ZDHHC17: variants seen among roughly 807,000 people sequenced by gnomAD.
ZDHHC17 encodes the protein palmitoyltransferase ZDHHC17.
ZDHHC17 carries 40 observed loss-of-function variants against 90.3 expected under a neutral mutation model. The ratio of observed to expected loss-of-function variants is 0.44; its 90% CI spans 0.34 to 0.58. ZDHHC17 has a LOEUF of 0.58. Among genes scored for constraint, ZDHHC17 ranks in the 20% least tolerant of loss-of-function variants. The pLI is 0.01. For synonymous variants in ZDHHC17, 235 were observed against 252.4 expected (o/e 0.93, Z 0.65); for missense variants, 614 against 780.8 (o/e 0.79, Z 2.55).
chr12:76,836,430 C>T (rs1487831975), intron 10 of ZDHHC17, among the ~76,000 whole-genome samples: 1 of 151,604 alleles, frequency 6.6e-6, no homozygotes, highest in East Asian at 1.9e-4. Context: ...AGCTGCTGTG[C>T]CCCCCTCTCA....
At chr12:76,809,586 A>G in intron 4 of ZDHHC17, 127 bp from the exon 5 acceptor site, 1 of 725,388 alleles carries the variant, frequency 1.4e-6, no homozygotes, top group Non-Finnish European at 2.0e-6. Context: ...ACATGTATCT[A>G]TTTTAAAATA....
At chr12:76,822,341 T>C in intron 7 of ZDHHC17, 65 bp from the exon 8 acceptor site, 1 of 1,575,372 alleles carries the variant, frequency 6.3e-7, no homozygotes, top group Non-Finnish European at 8.7e-7. Context: ...AGAAGTTCTT[T>C]AAAGGTAACT....
At chr12:76,787,222 A>C (rs1952697361) in intron 1 of ZDHHC17, among the ~76,000 whole-genome samples, 1 of 152,116 alleles carries the variant, frequency 6.6e-6, no homozygotes, top group Non-Finnish European at 1.5e-5. Context: ...AAGGGAGGTC[A>C]AGGGGAAGAG....
intron 11 of ZDHHC17, 104 bp downstream of exon 11, chr12:76,842,210 G>C (rs1280066820): frequency 1.1e-5 from 14 of 1,225,954 alleles, no homozygotes; most frequent in Non-Finnish European, 1.5e-5. Flanking sequence ...AGAATGTAAA[G>C]AAGTTTTAAG....
chr12:76,773,157 G>A (rs116559062), intron 1 of ZDHHC17, among the ~76,000 whole-genome samples: 215 of 152,154 alleles, frequency 1.4e-3, no homozygotes, highest in African/African-American at 4.9e-3. Flanking sequence ...TGCACCCGGC[G>A]AGGTTCTTAA....
chr12:76,825,520 T>A (rs1297697155), intron 8 of ZDHHC17, among the ~76,000 whole-genome samples: 1 of 152,160 alleles, frequency 6.6e-6, no homozygotes, highest in Admixed American at 6.5e-5. Context: ...GATATAAAGT[T>A]CATACTTATT....
rs71085458 is a variant in ZDHHC17, at chr12:76,800,885, C to CTTTTTTTT, written c.197+3362_197+3369dup. ...AGGGACTTCTGTCATTTTGCCATTT[C>CTTTTTTTT]TTTTTTTTTTTTTTTTTTTTTAGAC... On this transcript the variant is annotated intron_variant, in intron 2 of 16. Transcript: ENST00000426126. Among the ~76,000 whole-genome samples, 71 of 107,988 alleles carry CTTTTTTTT rather than the reference C, an allele frequency of 6.6e-4. 1 individual carries two copies. The highest frequency in any genetic ancestry group is 3.9e-3 in the East Asian group (13 of 3,322). The allele number at this position is 107,988 out of a possible 152,430, so 70.8% of individuals were successfully genotyped here.
Position 76,822,265 on chromosome 12 carries a change from G to A in ZDHHC17, c.772-141G>A, listed in dbSNP as rs186532012. 144 of 966,244 alleles carry A rather than the reference G, an allele frequency of 1.5e-4. 1 individual carries two copies. In the African/African-American group the frequency reaches 2.0e-3, roughly 13 times the overall value. 59.9% of individuals were successfully genotyped at this position (966,244 alleles called of 1,614,324 possible). ...AGCGTAATAAGAAACATGTAATGAT[G>A]CAGGTGTTTTTAGTAATTTACACAA... On this transcript the variant is annotated intron_variant, in intron 7 of 16. Transcript: ENST00000426126.
At chr12:76,773,554 G>A (rs1952520870) in intron 1 of ZDHHC17, among the ~76,000 whole-genome samples, 1 of 152,250 alleles carries the variant, frequency 6.6e-6, no homozygotes, top group East Asian at 1.9e-4. Flanking sequence ...TATATGTTGA[G>A]CTGTTTACAG....
chr12:76,850,812 A>G, intron 16 of ZDHHC17, 35 bp from the exon 17 acceptor site: 1 of 1,606,450 alleles, frequency 6.2e-7, no homozygotes, highest in Non-Finnish European at 8.5e-7. Context: ...ATTTGTACTG[A>G]CTGACGTGTT....
intron 10 of ZDHHC17, among the ~76,000 whole-genome samples, chr12:76,833,236 A>G (rs1592493978): frequency 1.3e-5 from 2 of 152,228 alleles, no homozygotes; most frequent in African/African-American, 4.8e-5. Flanking sequence ...TGGTTTTCCA[A>G]ATAATTATTT....
chr12:76,846,552 T>C (rs751955735), intron 13 of ZDHHC17, 44 bp from the exon 14 acceptor site: 10 of 1,528,448 alleles, frequency 6.5e-6, no homozygotes, highest in Non-Finnish European at 9.0e-6. Flanking sequence ...TTACCCGTTG[T>C]TTTTTTCTTA....
chr12:76,830,854 A>G (rs1052796860), intron 10 of ZDHHC17, among the ~76,000 whole-genome samples: 11 of 135,976 alleles, frequency 8.1e-5, no homozygotes, highest in African/African-American at 2.9e-4. Flanking sequence ...AGAGAGCATT[A>G]TATAGTAAAA....
At chr12:76,810,506 G>T (rs193271225) in intron 5 of ZDHHC17, among the ~76,000 whole-genome samples, 1 of 152,240 alleles carries the variant, frequency 6.6e-6, no homozygotes, top group East Asian at 1.9e-4. Context: ...ATAACTTTAA[G>T]ATATATGTAT....
chr12:76,805,337 G>C lies in ZDHHC17; in HGVS notation c.218G>C (p.Cys73Ser). 1 of 1,601,416 alleles carries C rather than the reference G, an allele frequency of 6.2e-7. No individual in the cohort carries two copies. The highest frequency in any genetic ancestry group is 1.1e-5 in the South Asian group (1 of 89,052). Residue 73 changes from cysteine (C) to serine (S), a missense_variant, in exon 3 of 17, where the codon TGT becomes TCT. Cys to Ser is a moderately radical substitution (Grantham distance 112, BLOSUM62 -1). Around this residue, in one of 5 missense-constraint regions of ZDHHC17, gnomAD observed 358 missense variants for 380.4 expected, o/e 0.94. Coordinates refer to ENST00000426126, the MANE Select transcript of ZDHHC17 (RefSeq NM_015336.4). ...KATQYGIYERCRELVEAGYDV... is the reference protein window; with the variant it reads ...KATQYGIYERSRELVEAGYDV... ...TCTAGATATGGAATATATGAACGCT[G>C]TCGAGAATTGGTGGAAGCAGGTTAT...
At chr12:76,809,569 T>G in intron 4 of ZDHHC17, 144 bp from the exon 5 acceptor site, 1 of 599,210 alleles carries the variant, frequency 1.7e-6, no homozygotes, top group Non-Finnish European at 2.5e-6. Flanking sequence ...ATCCTAAATG[T>G]ATTTTGACAT....
chr12:76,800,906 T>TTTTTTTA, intron 2 of ZDHHC17, among the ~76,000 whole-genome samples: 1 of 149,172 alleles, frequency 6.7e-6, no homozygotes, highest in African/African-American at 2.5e-5. Flanking sequence ...TTTTTTTTTT[T>TTTTTTTA]AGACAGAGTC....
chr12:76,815,982 T>C lies in ZDHHC17; in HGVS notation c.734T>C (p.Leu245Pro). 1 of 1,568,522 alleles carries C rather than the reference T, an allele frequency of 6.4e-7. No homozygotes were observed. The highest frequency in any genetic ancestry group is 1.2e-5 in the South Asian group (1 of 83,780). The change falls in exon 7 of 17, where the codon CTG (leucine) becomes CCG (proline). Residue 245 changes from leucine to proline, a missense_variant. Physicochemically the swap from Leu to Pro is moderately conservative, Grantham distance 98. Around this residue, in one of 5 missense-constraint regions of ZDHHC17, gnomAD observed 358 missense variants for 380.4 expected, o/e 0.94. Coordinates refer to ENST00000426126, the MANE Select transcript of ZDHHC17 (RefSeq NM_015336.4). ...AGNTTVISLL[L>P]EAGANVDAQN... ...AATACCACAGTCATTAGCCTTCTTC[T>C]GGAAGCTGGAGCTAATGTTGATGCC... is the stretch of plus-strand genomic sequence containing the variant.
intron 10 of ZDHHC17, among the ~76,000 whole-genome samples, chr12:76,839,418 C>T (rs937714015): frequency 6.6e-6 from 1 of 152,086 alleles, no homozygotes; most frequent in Non-Finnish European, 1.5e-5. Context: ...AAGTTGTTGC[C>T]AGTATTTTGA....
Sources: allele counts gnomAD v4.1 joint callset (sites outside exome capture counted in the v4.1 genomes callset), GRCh38; gene constraint gnomAD v4.1.1; regional missense constraint gnomAD v4.1.1; transcripts MANE v1.5; gene names NCBI Gene and HGNC (gene_info 2026-07-23, HGNC 2026-07-21).